BTBD9: variants seen among roughly 807,000 people sequenced by gnomAD.
BTBD9 encodes the protein BTB/POZ domain-containing protein 9.
BTBD9 carries 49 observed loss-of-function variants against 64.3 expected under a neutral mutation model. The ratio of observed to expected loss-of-function variants is 0.76; its 90% confidence interval spans 0.61 to 0.97. The LOEUF (loss-of-function observed/expected upper bound fraction) is 0.97, where lower values mean the gene tolerates loss of function less well. Among genes scored for constraint, BTBD9 ranks in the 50% least tolerant of loss-of-function variants. BTBD9 has a pLI of 0.00. For synonymous variants in BTBD9, 260 were observed against 274.7 expected, an observed-to-expected ratio of 0.95 and a Z score of 0.53; for missense variants, 598 against 762.1, an observed-to-expected ratio of 0.78 and a Z score of 2.53.
chr6:38,349,324 G>C (rs1764410869), intron 6 of BTBD9, among the ~76,000 whole-genome samples: 1 of 152,288 alleles, frequency 6.6e-6, no homozygotes, highest in South Asian at 2.1e-4. Context: ...CCATTAAACA[G>C]AAATTCAAAG....
At chr6:38,487,577 CAGAG>C (rs1245924071) in intron 6 of BTBD9, among the ~76,000 whole-genome samples, 56 of 111,032 alleles carry the variant, frequency 5.0e-4, no homozygotes, top group African/African-American at 1.6e-3. Flanking sequence ...GCGAGAGAGA[CAGAG>C]AGAGAGTCAG....
intron 6 of BTBD9, among the ~76,000 whole-genome samples, chr6:38,431,041 C>T (rs781761053): frequency 3.3e-5 from 5 of 151,938 alleles, no homozygotes; most frequent in African/African-American, 1.2e-4. Context: ...GTTGACTCTA[C>T]GCCTTTGTCT....
intron 1 of BTBD9, among the ~76,000 whole-genome samples, chr6:38,603,330 C>T (rs940330281): frequency 3.9e-5 from 6 of 152,122 alleles, no homozygotes; most frequent in Non-Finnish European, 7.4e-5. Flanking sequence ...AATTCAAATG[C>T]ACTAAAAATC....
intron 6 of BTBD9, among the ~76,000 whole-genome samples, chr6:38,521,028 T>C (rs1025381350): frequency 1.3e-5 from 2 of 152,068 alleles, no homozygotes; most frequent in Non-Finnish European, 2.9e-5. Context: ...TATTCATATG[T>C]GTCTTAAATC....
chr6:38,200,623 C>G (rs1472120665), intron 9 of BTBD9, among the ~76,000 whole-genome samples: 2 of 152,118 alleles, frequency 1.3e-5, no homozygotes, highest in African/African-American at 4.8e-5. Context: ...TCATCAAAGA[C>G]TATTCTGAAC....
chr6:38,179,986 A>T, intron 10 of BTBD9: 1 of 385,852 alleles, frequency 2.6e-6, no homozygotes, highest in Non-Finnish European at 5.2e-6. Flanking sequence ...TCTGTAATTC[A>T]CTCTGGTCAC....
chr6:38,377,245 A>G (rs1280758184), intron 6 of BTBD9, among the ~76,000 whole-genome samples: 2 of 152,218 alleles, frequency 1.3e-5, no homozygotes, highest in African/African-American at 4.8e-5. Context: ...ATATAACTAT[A>G]TACTGCTACC....
chr6:38,495,348 C>G (rs1771904247), intron 6 of BTBD9, among the ~76,000 whole-genome samples: 1 of 152,200 alleles, frequency 6.6e-6, no homozygotes, highest in African/African-American at 2.4e-5. Flanking sequence ...AATGTTAGTT[C>G]TCTTCTCCAT....
chr6:38,239,402 T>C (rs1249551282), intron 9 of BTBD9, among the ~76,000 whole-genome samples: 1 of 139,806 alleles, frequency 7.2e-6, no homozygotes, highest in Non-Finnish European at 1.5e-5. Flanking sequence ...ATCGTGCCAC[T>C]GCATTGTAGC....
At chr6:38,495,301 C>A (rs536647284) in intron 6 of BTBD9, among the ~76,000 whole-genome samples, 1 of 152,146 alleles carries the variant, frequency 6.6e-6, no homozygotes, top group African/African-American at 2.4e-5. Context: ...AATAACTAAG[C>A]CTGACTGCCT....
At chr6:38,439,336 C>T (rs141622850) in intron 6 of BTBD9, among the ~76,000 whole-genome samples, 59 of 151,530 alleles carry the variant, frequency 3.9e-4, no homozygotes, top group African/African-American at 1.3e-3. Context: ...CCATGCTGGT[C>T]AGGCTGCTGT....
chr6:38,373,572 C>A (rs1319104354), intron 6 of BTBD9, among the ~76,000 whole-genome samples: 2 of 152,300 alleles, frequency 1.3e-5, no homozygotes, highest in East Asian at 3.9e-4. Flanking sequence ...CACTCTGTCA[C>A]CCAGGCTGGA....
chr6:38,618,712 C>G (rs1195494948), intron 1 of BTBD9, among the ~76,000 whole-genome samples: 1 of 152,158 alleles, frequency 6.6e-6, no homozygotes, highest in Non-Finnish European at 1.5e-5. Flanking sequence ...TTCAGATGAT[C>G]CTGATAGGTA....
chr6:38,365,933 T>G (rs1033639146), intron 6 of BTBD9, among the ~76,000 whole-genome samples: 1 of 152,180 alleles, frequency 6.6e-6, no homozygotes, highest in South Asian at 2.1e-4. Context: ...CTGCTGGTTC[T>G]CAAAAACAAG....
intron 6 of BTBD9, among the ~76,000 whole-genome samples, chr6:38,439,040 T>C (rs952251051): frequency 3.3e-5 from 5 of 150,882 alleles, no homozygotes; most frequent in African/African-American, 1.2e-4. Context: ...GAAGAGAGTA[T>C]AGTAAGACAG....
At chr6:38,611,196 C>T (rs982191123) in intron 1 of BTBD9, among the ~76,000 whole-genome samples, 3 of 151,902 alleles carry the variant, frequency 2.0e-5, no homozygotes, top group Admixed American at 6.6e-5. Context: ...TAAACACAGA[C>T]ATAGAAAAAA....
intron 9 of BTBD9, 112 bp from the exon 10 acceptor site, chr6:38,192,709 C>T (rs1762131112): frequency 1.1e-6 from 1 of 908,636 alleles, no homozygotes; most frequent in Non-Finnish European, 1.8e-6. Flanking sequence ...CCTCGGAGAC[C>T]TGCACTATAG....
intron 9 of BTBD9, among the ~76,000 whole-genome samples, chr6:38,251,651 G>A (rs1764407306): frequency 6.6e-6 from 1 of 152,066 alleles, no homozygotes; most frequent in Admixed American, 6.6e-5. Context: ...TGTACTTTGG[G>A]AGGCCGAGGT....
At chr6:38,328,392 C>G (rs1379159901) in intron 7 of BTBD9, among the ~76,000 whole-genome samples, 1 of 152,096 alleles carries the variant, frequency 6.6e-6, no homozygotes, top group East Asian at 1.9e-4. Context: ...AGAAACACCA[C>G]AGGCCACTCA....
Sources: allele counts gnomAD v4.1 joint callset (sites outside exome capture counted in the v4.1 genomes callset), GRCh38; gene constraint gnomAD v4.1.1; transcripts MANE v1.5; gene names NCBI Gene and HGNC (gene_info 2026-07-23, HGNC 2026-07-21).